TNXB: variants seen among roughly 807,000 people sequenced by gnomAD.
TNXB encodes the protein tenascin XB.
In TNXB, 183 loss-of-function variants were observed where a neutral mutation model predicts 340.5. That is an observed-to-expected ratio of 0.54 (90% CI 0.48 to 0.61). The LOEUF is 0.61. Ranked by LOEUF, TNXB falls within the 20% of genes least tolerant of loss-of-function variation. The pLI is 0.00. For synonymous variants in TNXB, 2,121 were observed against 2,314.5 expected (o/e 0.92, Z 2.40); for missense variants, 4,613 against 5,446.4 (o/e 0.85, Z 4.82).
chr6:32,050,457 T>C, intron 26 of TNXB, 136 bp from the exon 27 acceptor site: 2 of 1,175,538 alleles, frequency 1.7e-6, no homozygotes, highest in Admixed American at 2.4e-5. Context: ...CTTCATCCTC[T>C]CCTCCCCTGC....
At chr6:32,043,941 G>T in intron 34 of TNXB, 49 bp from the exon 35 acceptor site, 1 of 1,611,934 alleles carries the variant, frequency 6.2e-7, no homozygotes, top group Non-Finnish European at 8.5e-7. Context: ...CAGGGCAGCT[G>T]GAGGGTGGGC....
Position 32,073,541 on chromosome 6 carries a change from C to T in TNXB, c.4681+106G>A. 1 of 1,018,412 alleles carries T rather than the reference C, an allele frequency of 9.8e-7. No individual in the cohort carries two copies. Among genetic ancestry groups the T allele is most frequent in the Non-Finnish European group, 1.4e-6 (1 of 699,688 alleles). 63.1% of individuals were successfully genotyped at this position (1,018,412 alleles called of 1,614,324 possible). ...GAGCCAGGGCCTGAGGGGATCTAGC[C>T]CCTCAGTGAGGGTGCGGTGGTACCA... On this transcript the variant is annotated intron_variant, in intron 12 of 43. Transcript: ENST00000644971. This position sits in a 1 kb window ranked among gnomAD's most constrained non-coding sequence, Gnocchi z 4.6.
In TNXB at chr6:32,058,038, C is replaced by G; in HGVS notation, c.7825+20G>C. ...TTTCTAGGGCTGTCTTCCAACCCTG[C>G]CCCACCCACACTCACTCACCTGTGA... On this transcript the variant is annotated intron_variant, in intron 22 of 43. Transcript: ENST00000644971. This position sits in a 1 kb window ranked among gnomAD's most constrained non-coding sequence, Gnocchi z 5.1. The G allele has an allele frequency of 6.3e-7, 1 of 1,588,996 alleles. No homozygotes were observed. Among genetic ancestry groups the G allele is most frequent in the Non-Finnish European group, 8.6e-7 (1 of 1,167,830 alleles).
At chr6:32,077,258 C>T (rs1258582273) in intron 11 of TNXB, among the ~76,000 whole-genome samples, 2 of 152,188 alleles carry the variant, frequency 1.3e-5, no homozygotes, top group East Asian at 1.9e-4. Context: ...CCTACAACCT[C>T]AGGCCCCAAG....
chr6:32,087,221 T>C lies in TNXB; in HGVS notation c.2780-1103A>G, dbSNP rs756133439. The C allele has an allele frequency of 4.1e-6, 2 of 487,326 alleles. No homozygotes were observed. The highest frequency in any genetic ancestry group is 2.2e-5 in the Admixed American group (1 of 46,390). 30.2% of individuals were successfully genotyped at this position (487,326 alleles called of 1,614,324 possible). A position where few individuals can be genotyped will look rare whatever the true frequency, so the allele number is the denominator to read the frequency against. ...ACGGCAGGTGAGGCTGGACAAGGGA[T>C]AGGTGTCCCGTGGCCCCAGCCCACA... On this transcript the variant is annotated intron_variant, in intron 6 of 43. Coordinates refer to ENST00000644971, the MANE Select transcript of TNXB (RefSeq NM_001365276.2). The surrounding 1 kb of genome is among the most constrained non-coding windows in gnomAD (Gnocchi z 9.0).
rs1462906903 is a variant in TNXB, at chr6:32,041,893, G to C, written c.12511C>G (p.Arg4171Gly). The C allele has an allele frequency of 1.4e-6, 1 of 690,708 alleles. No homozygotes were observed. The highest frequency in any genetic ancestry group is 2.4e-5 in the Admixed American group (1 of 42,330). The allele number at this position is 690,708 out of a possible 1,614,324, so 42.8% of individuals were successfully genotyped here. ...AGCAAGCTGTTGGGGTCCCGATCAC[G>C]GGCAGAGAAGACACTGCCGCTGTGG... Reference protein sequence around the residue: ...SYHSGSVFSARDRDPNSLLIS... With the variant: ...SYHSGSVFSAGDRDPNSLLIS... The change falls in exon 43 of 44, where the codon CGT (arginine) becomes GGT (glycine). Residue 4171 changes from arginine to glycine, a missense_variant. Coordinates refer to ENST00000644971, the MANE Select transcript of TNXB (RefSeq NM_001365276.2).
In TNXB at chr6:32,067,859, T is replaced by A. The variant is rs779928193; in HGVS notation, c.6346A>T (p.Thr2116Ser). 9.3e-6 allele frequency: 15 copies of A among 1,613,020 alleles called. No homozygotes were observed. In the South Asian group the frequency reaches 1.6e-4, roughly 18 times the overall value. The change falls in exon 18 of 44, where the codon ACC (threonine) becomes TCC (serine). Residue 2116 changes from threonine to serine, a missense_variant. By Grantham distance (58) the Thr-to-Ser change is moderately conservative. Coordinates refer to ENST00000644971, the MANE Select transcript of TNXB (RefSeq NM_001365276.2). The surrounding 1 kb of genome is among the most constrained non-coding windows in gnomAD (Gnocchi z 4.2). Reference sequence around the variant, plus strand: ...GAGTCGAAGCGGCCCTGGGGGACGGTCCAGGAGAGGCTCAGCGAGTCAGGG... The same window carrying A: ...GAGTCGAAGCGGCCCTGGGGGACGGACCAGGAGAGGCTCAGCGAGTCAGGG... ...SSPDSLSLSW[T>S]VPQGRFDSFT...
rs771905269 is a variant in TNXB at position 32,050,322 on chromosome 6, C to T, written c.9116-1G>A. The T allele has an allele frequency of 1.9e-5, 30 of 1,612,106 alleles. No individual in the cohort carries two copies. Among genetic ancestry groups the T allele is most frequent in the African/African-American group, 5.3e-5 (4 of 74,880 alleles). On this transcript the variant is annotated splice_acceptor_variant, in intron 26 of 43. Transcript: ENST00000644971. LOFTEE classifies it high-confidence loss of function. ...GTGGTCTCGGCTTCATCCTTTGGAG[C>T]TGGACAGACACGTGTGGGGACAGTG... is the stretch of plus-strand genomic sequence containing the variant.
In TNXB at chr6:32,067,128, G is replaced by A. The variant is rs204882; in HGVS notation, c.6544+533C>T. On this transcript the variant is annotated intron_variant, in intron 18 of 43. Transcript: ENST00000644971. This position sits in a 1 kb window ranked among gnomAD's most constrained non-coding sequence, Gnocchi z 4.2. ...AAGAAAGAAAGAGAAAGAAAGAAAG[G>A]AAGGAAGAAAGAAAGAAAGAAAGAA... 8.1e-5 allele frequency among the ~76,000 whole-genome samples: 4 copies of A among 49,638 alleles called. No homozygotes were observed. The highest frequency in any genetic ancestry group is 1.5e-4 in the African/African-American group (2 of 13,506). The allele number at this position is 49,638 out of a possible 152,430, so 32.6% of individuals were successfully genotyped here. A position where few individuals can be genotyped will look rare whatever the true frequency, so the allele number is the denominator to read the frequency against.
chr6:32,095,974 C>A lies in TNXB; in HGVS notation c.1879G>T (p.Gly627Trp). 1 of 1,613,136 alleles carries A rather than the reference C, an allele frequency of 6.2e-7. No individual in the cohort carries two copies. ...CGCCCTTCCTCACAGCGGCCCCTCC[C>A]GTGGCAGTTGGAGGGGCAGGTGCGG... is the stretch of plus-strand genomic sequence containing the variant. ...SIRTCPSNCHGRGRCEEGRCL... is the reference protein window; with the variant it reads ...SIRTCPSNCHWRGRCEEGRCL... Residue 627 changes from glycine to tryptophan, a missense_variant, in exon 3 of 44, where the codon GGG becomes TGG. Around this residue, in one of 7 missense-constraint regions of TNXB, gnomAD observed 4,327 missense variants for 4,859.4 expected, o/e 0.89. Coordinates refer to ENST00000644971, the MANE Select transcript of TNXB (RefSeq NM_001365276.2).
chr6:32,092,212 T>TG (rs1406356017), intron 4 of TNXB, among the ~76,000 whole-genome samples: 13 of 152,176 alleles, frequency 8.5e-5, no homozygotes, highest in Non-Finnish European at 1.6e-4. Context: ...GTAGATCTAG[T>TG]GGGGGAGTCT....
Position 32,064,972 on chromosome 6 carries a change from A to G in TNXB, c.6690T>C (p.Asn2230=), listed in dbSNP as rs1184365199. The G allele has an allele frequency of 6.2e-7, 1 of 1,612,744 alleles. No individual in the cohort carries two copies. The highest frequency in any genetic ancestry group is 8.5e-7 in the Non-Finnish European group (1 of 1,179,798). The change falls in exon 19 of 44, where the codon AAT becomes AAC. Residue 2230 remains asparagine (N), a synonymous_variant. Coordinates refer to ENST00000644971, the MANE Select transcript of TNXB (RefSeq NM_001365276.2). The surrounding 1 kb of genome is among the most constrained non-coding windows in gnomAD (Gnocchi z 5.3). ...GCACCGCCTTGGGCTGCCCGTCCCC[A>G]TTCTTAAACTGGACCAAGAAATGGT... ...QFDHFLVQFK[N]GDGQPKAVRV...
chr6:32,069,972 G>T lies in TNXB; in HGVS notation c.5279-111C>A. On this transcript the variant is annotated intron_variant, in intron 14 of 43. Coordinates refer to ENST00000644971, the MANE Select transcript of TNXB (RefSeq NM_001365276.2). This position sits in a 1 kb window ranked among gnomAD's most constrained non-coding sequence, Gnocchi z 6.2. Reference sequence around the variant, plus strand: ...ACAGGGCTTTGCGTGGCTGAGTCCTGCCGGGCTGTGCTAGGGGCTTGTGCA... The same window carrying T: ...ACAGGGCTTTGCGTGGCTGAGTCCTTCCGGGCTGTGCTAGGGGCTTGTGCA... The T allele has an allele frequency of 1.5e-6, 2 of 1,379,068 alleles. No individual in the cohort carries two copies. Among genetic ancestry groups the T allele is most frequent in the Non-Finnish European group, 1.9e-6 (2 of 1,037,760 alleles). 85.4% of individuals were successfully genotyped at this position (1,379,068 alleles called of 1,614,324 possible). A position where few individuals can be genotyped will look rare whatever the true frequency, so the allele number is the denominator to read the frequency against.
In TNXB at chr6:32,079,208, G is replaced by A; in HGVS notation, c.4200C>T (p.Asp1400=). 1.9e-6 allele frequency: 3 copies of A among 1,613,908 alleles called. No homozygotes were observed. The highest frequency in any genetic ancestry group is 2.5e-6 in the Non-Finnish European group (3 of 1,179,882). Residue 1400 remains aspartate, a synonymous_variant, in exon 11 of 44, where the codon GAC becomes GAT. Transcript: ENST00000644971. The surrounding 1 kb of genome is among the most constrained non-coding windows in gnomAD (Gnocchi z 7.1). ...TGTCCTTGTACTGCACGGTGAAAGAGTCGAAGCTGCCCTGGGGGACGGTCC... is the reference window on the plus strand; with the variant it reads ...TGTCCTTGTACTGCACGGTGAAAGAATCGAAGCTGCCCTGGGGGACGGTCC... ...LFWTVPQGSF[D]SFTVQYKDRD...
rs759556470 is a variant in TNXB at position 32,084,610 on chromosome 6, G to A, written c.3248C>T (p.Thr1083Met). The change falls in exon 8 of 44, where the codon ACG becomes ATG. Residue 1083 changes from threonine (T) to methionine (M), a missense_variant. Physicochemically the swap from Thr to Met is moderately conservative, Grantham distance 81. This residue lies in a region of TNXB where 4,327 missense variants were observed against 4,859.4 expected (regional missense o/e 0.89). Coordinates refer to ENST00000644971, the MANE Select transcript of TNXB (RefSeq NM_001365276.2). The surrounding 1 kb of genome is among the most constrained non-coding windows in gnomAD (Gnocchi z 5.5). ...GGAGTCAAACTCGCCCTCGGGGACC[G>A]TCCAGCGCAGGAGCAAGGAGTCGGA... ...RTSDSLLLRWTVPEGEFDSFV... is the reference protein window; with the variant it reads ...RTSDSLLLRWMVPEGEFDSFV... 2.0e-5 allele frequency: 32 copies of A among 1,606,456 alleles called. No homozygotes were observed. Among genetic ancestry groups the A allele is most frequent in the African/African-American group, 2.7e-5 (2 of 74,874 alleles).
chr6:32,062,923 C>T lies in TNXB; in HGVS notation c.6842-440G>A, dbSNP rs9267797. Among the ~76,000 whole-genome samples the T allele has an allele frequency of 0.025, 3,728 of 151,844 alleles. 86 individuals are homozygous for T. Among genetic ancestry groups the T allele is most frequent in the Middle Eastern group, 0.051 (15 of 294 alleles). On this transcript the variant is annotated intron_variant, in intron 19 of 43. Transcript: ENST00000644971. This position sits in a 1 kb window ranked among gnomAD's most constrained non-coding sequence, Gnocchi z 4.3. ...ACAAAAAATTAGCCAGGCGTGTTGG[C>T]GGGCACCTGTAGTCCCAGCTACTCA...
In TNXB at chr6:32,096,523, G is replaced by A; in HGVS notation, c.1330C>T (p.Arg444Cys). The A allele has an allele frequency of 2.5e-6, 4 of 1,598,316 alleles. No homozygotes were observed. Among genetic ancestry groups the A allele is most frequent in the Non-Finnish European group, 3.4e-6 (4 of 1,177,802 alleles). ...ACPRDCRGRG[R>C]CENGVCVCNA... Reference sequence around the variant, plus strand: ...CAAACACACACGCCGTTCTCGCAGCGCCCGCGACCTCTACAGTCGCGTGGG... The same window carrying A: ...CAAACACACACGCCGTTCTCGCAGCACCCGCGACCTCTACAGTCGCGTGGG... Residue 444 changes from arginine to cysteine, a missense_variant, in exon 3 of 44, where the codon CGC becomes TGC. Physicochemically the swap from Arg to Cys is radical, Grantham distance 180. Around this residue, in one of 7 missense-constraint regions of TNXB, gnomAD observed 4,327 missense variants for 4,859.4 expected, o/e 0.89. Transcript: ENST00000644971.
At position 32,075,796 on chromosome 6, in the gene TNXB, C is replaced by T. The variant is rs1779050530; in HGVS notation, c.4376-1844G>A. On this transcript the variant is annotated intron_variant, in intron 11 of 43. Coordinates refer to ENST00000644971, the MANE Select transcript of TNXB (RefSeq NM_001365276.2). The surrounding 1 kb of genome is among the most constrained non-coding windows in gnomAD (Gnocchi z 4.6). ...TCCCCACCACTCCCGCATGAGGAAG[C>T]ACTCATTAGTGAGCAAACTAGAAGG... Among the ~76,000 whole-genome samples, 1 of 152,230 alleles carries T rather than the reference C, an allele frequency of 6.6e-6. No individual in the cohort carries two copies. The highest frequency in any genetic ancestry group is 1.5e-5 in the Non-Finnish European group (1 of 68,052).
Position 32,069,163 on chromosome 6 carries a change from G to GGTAGAGACAT in TNXB, c.5588-28_5588-27insATGTCTCTAC. 6.3e-7 allele frequency: 1 copy of GGTAGAGACAT among 1,580,030 alleles called. No individual in the cohort carries two copies. Among genetic ancestry groups the GGTAGAGACAT allele is most frequent in the South Asian group, 1.1e-5 (1 of 88,432 alleles). Reference sequence around the variant, plus strand: ...TGGTTCACAGAGACAGGTAGAGACAGATGGCTGGTGTGTCGCTGCACCCAG... The same window carrying GGTAGAGACAT: ...TGGTTCACAGAGACAGGTAGAGACAGGTAGAGACATATGGCTGGTGTGTCGCTGCACCCAG... On this transcript the variant is annotated intron_variant, in intron 15 of 43. Transcript: ENST00000644971. The surrounding 1 kb of genome is among the most constrained non-coding windows in gnomAD (Gnocchi z 6.2).
Sources: gnomAD v4.1 joint callset for allele counts (sites outside exome capture counted in the v4.1 genomes callset) on GRCh38, gnomAD v4.1.1 for gene constraint, gnomAD v4.1.1 regional missense constraint, Gnocchi (gnomAD v3.1) non-coding constraint, MANE v1.5 for transcripts, NCBI Gene and HGNC (gene_info 2026-07-23, HGNC 2026-07-21) for gene names.